The following ACCS variants were observed in gnomAD, a reference collection of about 807,000 sequenced individuals.
ACCS encodes 1-aminocyclopropane-1-carboxylate synthase-like protein 1.
A neutral mutation model predicts 59.8 loss-of-function variants in ACCS; 42 were observed. That is an observed-to-expected ratio of 0.70 (90% confidence interval 0.55 to 0.91). ACCS has a LOEUF of 0.91. ACCS is among the 40% of genes least tolerant of loss of function. The pLI, the probability that ACCS is intolerant of heterozygous loss-of-function variation, is 0.00. For synonymous variants in ACCS, 230 were observed against 240.3 expected (o/e 0.96, Z 0.40); for missense variants, 602 against 630.4 (o/e 0.95, Z 0.48).
In ACCS at chr11:44,080,958, C is replaced by A; in HGVS notation, c.924-62C>A. On this transcript the variant is annotated intron_variant, in intron 10 of 14. Coordinates refer to ENST00000263776, the MANE Select transcript of ACCS (RefSeq NM_032592.4). The stretch of plus-strand genomic sequence containing the variant: ...CCACCCATCTCTTCATTTGTTCAAC[C>A]AAACACATGTGGGTTTCCATAGTTC... The A allele has an allele frequency of 3.1e-6, 5 of 1,599,174 alleles. 1 individual carries two copies. The South Asian group carries it at 4.4e-5, about 14-fold the overall frequency.
intron 9 of ACCS, 158 bp from the exon 10 acceptor site, chr11:44,079,373 A>G: frequency 1.6e-6 from 1 of 616,390 alleles, no homozygotes; most frequent in Admixed American, 2.7e-5. Flanking sequence ...TCTGTTTGAA[A>G]AAAACAGAAG....
chr11:44,075,668 G>A, intron 6 of ACCS, 76 bp downstream of exon 6: 1 of 1,538,030 alleles, frequency 6.5e-7, no homozygotes, highest in Non-Finnish European at 8.9e-7. Context: ...CTGGCCTCAA[G>A]GGCTGCAATA....
chr11:44,077,209 G>A (rs1953408533), intron 6 of ACCS, 70 bp from the exon 7 acceptor site: 1 of 1,522,752 alleles, frequency 6.6e-7, no homozygotes, highest in Non-Finnish European at 8.9e-7. Context: ...GAGGGACTGG[G>A]GACAGTGGAC....
At chr11:44,074,812 C>CT (rs11300983) in intron 5 of ACCS, 131 bp downstream of exon 5, 16,518 of 229,968 alleles carry the variant, frequency 0.072, 69 homozygotes, top group Middle Eastern at 0.12. Flanking sequence ...CCTTCCTTCT[C>CT]TTTTTTTTTT....
At chr11:44,079,035 G>A (rs1421221866) in intron 9 of ACCS, 1 of 496,364 alleles carries the variant, frequency 2.0e-6, no homozygotes, top group African/African-American at 1.9e-5. Flanking sequence ...CACTTTATGT[G>A]CCTCATACAA....
Position 44,078,791 on chromosome 11 carries a change from C to T in ACCS, c.833+7C>T, listed in dbSNP as rs1237984579. 2 of 1,613,074 alleles carry T rather than the reference C, an allele frequency of 1.2e-6. No individual in the cohort carries two copies. Among genetic ancestry groups the T allele is most frequent in the East Asian group, 2.2e-5 (1 of 44,848 alleles). ...ACCTGGTATTTGCCAAGAGGTGAGGCACCCCACACTGGCCCCGACAGAGCG... is the reference window on the plus strand; with the variant it reads ...ACCTGGTATTTGCCAAGAGGTGAGGTACCCCACACTGGCCCCGACAGAGCG... On this transcript the variant is annotated splice_region_variant and intron_variant, in intron 9 of 14. Transcript: ENST00000263776.
In ACCS at chr11:44,081,070, G is replaced by A. The variant is rs201536687; in HGVS notation, c.969+5G>A. 6.2e-6 allele frequency: 10 copies of A among 1,614,220 alleles called. No individual in the cohort carries two copies. The East Asian group carries it at 2.2e-4, about 36-fold the overall frequency. On this transcript the variant is annotated splice_donor_5th_base_variant and intron_variant, in intron 11 of 14. Transcript: ENST00000263776. ...GTGATGTGGGCAACCAGCAAGGTGA[G>A]TTCCTGGCTGGCCTTGGGGGTGTCA...
chr11:44,071,172 C>A, intron 2 of ACCS, 84 bp from the exon 3 acceptor site: 2 of 1,459,906 alleles, frequency 1.4e-6, no homozygotes, highest in Non-Finnish European at 1.9e-6. Context: ...TCCCACTTTG[C>A]TTTGCTGCCT....
intron 3 of ACCS, among the ~76,000 whole-genome samples, chr11:44,073,125 T>C (rs1460625454): frequency 6.6e-6 from 1 of 152,222 alleles, no homozygotes; most frequent in East Asian, 1.9e-4. Context: ...CAGTGTGCTC[T>C]TCCGTTAATA....
At chr11:44,073,408 T>G in intron 3 of ACCS, 39 bp from the exon 4 acceptor site, 1 of 1,554,102 alleles carries the variant, frequency 6.4e-7, no homozygotes, top group Non-Finnish European at 8.8e-7. Flanking sequence ...CTGGTAGCAG[T>G]GCTGGCCCTC....
In ACCS at chr11:44,067,928, C is replaced by T. The variant is rs775648801; in HGVS notation, c.288+13C>T. 2 of 1,582,932 alleles carry T rather than the reference C, an allele frequency of 1.3e-6. No homozygotes were observed. Among genetic ancestry groups the T allele is most frequent in the Admixed American group, 3.5e-5 (2 of 56,700 alleles). Reference sequence around the variant, plus strand: ...CAAGAACCCCAGTGTGAGTGAAGCTCCCCTCCCACTGGGACCCAAGAGAGA... The same window carrying T: ...CAAGAACCCCAGTGTGAGTGAAGCTTCCCTCCCACTGGGACCCAAGAGAGA... On this transcript the variant is annotated intron_variant, in intron 2 of 14. Coordinates refer to ENST00000263776, the MANE Select transcript of ACCS (RefSeq NM_032592.4).
intron 5 of ACCS, 97 bp downstream of exon 5, chr11:44,074,778 C>CTTTCTTTCTTTCTTTCTTTCTTTTTT: frequency 1.1e-5 from 2 of 180,434 alleles, no homozygotes; most frequent in African/African-American, 1.6e-4. Context: ...CTTTCTTTTT[C>CTTTCTTTCTTTCTTTCTTTCTTTTTT]TCTCTCTCTC....
At chr11:44,074,726 C>T in intron 5 of ACCS, 45 bp downstream of exon 5, 1 of 1,039,788 alleles carries the variant, frequency 9.6e-7, no homozygotes, top group Non-Finnish European at 1.3e-6. Flanking sequence ...CCTGCCTCCC[C>T]TCTCCATCTC....
chr11:44,080,936 C>T (rs1045560239), intron 10 of ACCS, 84 bp from the exon 11 acceptor site: 9 of 1,540,724 alleles, frequency 5.8e-6, no homozygotes, highest in South Asian at 1.1e-5. Flanking sequence ...GATTCAACCA[C>T]CCATCTCTTC....
chr11:44,073,668 G>A (rs1466453130), intron 4 of ACCS, 151 bp downstream of exon 4: 2 of 716,258 alleles, frequency 2.8e-6, no homozygotes, highest in East Asian at 5.8e-5. Flanking sequence ...CAATGTACAG[G>A]ACAGCCCCCA....
chr11:44,072,552 T>C (rs890348576), intron 3 of ACCS: 5 of 152,172 alleles, frequency 3.3e-5, no homozygotes. Context: ...TATATCAATT[T>C]AAATTTTCTA....
intron 1 of ACCS, 92 bp from the exon 2 acceptor site, chr11:44,067,536 G>A: frequency 7.4e-7 from 1 of 1,347,238 alleles, no homozygotes; most frequent in Non-Finnish European, 1.0e-6. Context: ...GGGCAGATAA[G>A]AGAAAGGGGA....
At chr11:44,068,788 C>T (rs1952908958) in intron 2 of ACCS, among the ~76,000 whole-genome samples, 2 of 152,206 alleles carry the variant, frequency 1.3e-5, no homozygotes, top group South Asian at 4.1e-4. Flanking sequence ...CTTCAGAAGT[C>T]AGAAAGCTGT....
At position 44,073,606 on chromosome 11, in the gene ACCS, G is replaced by GC. The variant is rs1422310689; in HGVS notation, c.419+89_419+90insC. On this transcript the variant is annotated intron_variant, in intron 4 of 14. Coordinates refer to ENST00000263776, the MANE Select transcript of ACCS (RefSeq NM_032592.4). ...TTTGGTTGTTATAACTGGGAAGTCAGGTGCTCCTGGCATTTAGTGTGTAGA... is the reference window on the plus strand; with the variant it reads ...TTTGGTTGTTATAACTGGGAAGTCAGCGTGCTCCTGGCATTTAGTGTGTAGA... The GC allele has an allele frequency of 3.0e-6, 4 of 1,327,026 alleles. No individual in the cohort carries two copies. The African/African-American group carries it at 5.8e-5, about 19-fold the overall frequency. The allele number at this position is 1,327,026 out of a possible 1,614,324, so 82.2% of individuals were successfully genotyped here.
Sources: gnomAD v4.1 joint callset for allele counts (sites outside exome capture counted in the v4.1 genomes callset) on GRCh38, gnomAD v4.1.1 for gene constraint, MANE v1.5 for transcripts, NCBI Gene and HGNC (gene_info 2026-07-23, HGNC 2026-07-21) for gene names.